The following RTEL1 variants were observed in gnomAD, a reference collection of about 807,000 sequenced individuals.
The protein encoded by RTEL1 is regulator of telomere elongation helicase 1.
RTEL1 carries 86 observed loss-of-function variants against 162.2 expected under a neutral mutation model. That is an observed-to-expected ratio of 0.53 (90% CI 0.45 to 0.63). RTEL1 has a LOEUF of 0.63. Ranked by LOEUF, RTEL1 falls within the 30% of genes least tolerant of loss-of-function variation. The probability of loss-of-function intolerance (pLI) is 0.00; values close to 1 mark genes in which losing one functional copy is unlikely to be tolerated. For synonymous variants in RTEL1, 958 were observed against 717.9 expected, an observed-to-expected ratio of 1.33 and a Z score of -5.35; for missense variants, 1,941 against 1,750.2, an observed-to-expected ratio of 1.11 and a Z score of -1.95.
chr20:63,692,933 C>T lies in RTEL1; in HGVS notation c.2781C>T (p.Asp927=), dbSNP rs767158073. The change falls in exon 29 of 35, where the codon GAC becomes GAT. Residue 927 remains aspartate, a synonymous_variant. Transcript: ENST00000360203. The part of the protein sequence containing the change: ...QALQDYKGSD[D]FAALAACLGP... The stretch of plus-strand genomic sequence containing the variant: ...TGCAGGACTACAAGGGTTCCGATGA[C>T]TTCGCCGCCCTGGCCGCCTGTCTCG... The T allele has an allele frequency of 1.9e-6, 3 of 1,612,676 alleles. No homozygotes were observed. Among genetic ancestry groups the T allele is most frequent in the Non-Finnish European group, 2.5e-6 (3 of 1,179,862 alleles).
intron 21 of RTEL1, 122 bp downstream of exon 21, chr20:63,688,727 A>C: frequency 1.2e-6 from 1 of 839,064 alleles, no homozygotes; most frequent in Non-Finnish European, 1.8e-6. Flanking sequence ...CTGCCTCTTC[A>C]GGGCTCCTGC....
At chr20:63,693,412 T>A (rs1172073649) in intron 30 of RTEL1, 129 bp downstream of exon 30, 10 of 1,091,618 alleles carry the variant, frequency 9.2e-6, no homozygotes, top group Non-Finnish European at 1.3e-5. Flanking sequence ...CCTATGGGAG[T>A]GATGGGGGCC....
At chr20:63,686,451 GC>G (rs2090594969) in intron 16 of RTEL1, 1 of 154,656 alleles carries the variant, frequency 6.5e-6, no homozygotes, top group African/African-American at 2.4e-5. Flanking sequence ...GGTGTATCTG[GC>G]CCCACCCCCA....
chr20:63,690,483 G>GGGGGGGGT, intron 26 of RTEL1, 42 bp downstream of exon 26: 3 of 1,280,940 alleles, frequency 2.3e-6, no homozygotes, highest in South Asian at 1.4e-5. Flanking sequence ...GGGGGTGGCG[G>GGGGGGGGT]AGCGGGCGGC....
chr20:63,691,805 G>A lies in RTEL1; in HGVS notation c.2620G>A (p.Gly874Arg), dbSNP rs781632993. The change falls in exon 28 of 35, where the codon GGG becomes AGG. Residue 874 changes from glycine to arginine, a missense_variant. Physicochemically the swap from Gly to Arg is moderately radical, Grantham distance 125. Transcript: ENST00000360203. ...EKRPAEEPRGGRKKIRLVSHP... is the reference protein window; with the variant it reads ...EKRPAEEPRGRRKKIRLVSHP... ...GAGGCCGGCAGAAGAACCGCGAGGA[G>A]GGAGGAAGAAGATCCGGCTGGTCAG... 6 of 1,612,190 alleles carry A rather than the reference G, an allele frequency of 3.7e-6. No individual in the cohort carries two copies. Among genetic ancestry groups the A allele is most frequent in the Non-Finnish European group, 5.1e-6 (6 of 1,179,828 alleles).
Position 63,694,453 on chromosome 20 carries a change from G to T in RTEL1, c.3074G>T (p.Gly1025Val), listed in dbSNP as rs1182805971. ...GACCCCCAAGAGCACCTGAACCAGG[G>T]CAGGCCCCACCTGTCGCCCAGGCCA... The part of the protein sequence containing the change: ...QLDPQEHLNQ[G>V]RPHLSPRPPP... Residue 1025 changes from glycine (G) to valine (V), a missense_variant, in exon 31 of 35, where the codon GGC becomes GTC. Gly to Val is a moderately radical substitution (Grantham distance 109). Coordinates refer to ENST00000360203, the MANE Select transcript of RTEL1 (RefSeq NM_001283009.2). The T allele has an allele frequency of 1.2e-6, 2 of 1,609,074 alleles. No individual in the cohort carries two copies. Among genetic ancestry groups the T allele is most frequent in the Non-Finnish European group, 1.7e-6 (2 of 1,176,966 alleles).
rs1409862668 is a variant in RTEL1, at chr20:63,681,224, G to A, written c.1191+505G>A. ...GGCCCCGTCCTGTCCTGCAATGCCC[G>A]TCCCATGTGAGGTCTGCTTCTGGCT... On this transcript the variant is annotated intron_variant, in intron 14 of 34. Coordinates refer to ENST00000360203, the MANE Select transcript of RTEL1 (RefSeq NM_001283009.2). The A allele has an allele frequency of 2.2e-5, 22 of 985,420 alleles. No homozygotes were observed. In the East Asian group the frequency reaches 3.4e-4, roughly 15 times the overall value. The allele number at this position is 985,420 out of a possible 1,614,324, so 61.0% of individuals were successfully genotyped here.
At chr20:63,692,644 C>G (rs1035221511) in intron 28 of RTEL1, 161 bp from the exon 29 acceptor site, 21 of 668,164 alleles carry the variant, frequency 3.1e-5, no homozygotes, top group Non-Finnish European at 5.4e-5. Flanking sequence ...CTTCCCGCAG[C>G]CCCTCCCTAT....
chr20:63,674,058 C>T lies in RTEL1; in HGVS notation c.884C>T (p.Pro295Leu), dbSNP rs781117322. The T allele has an allele frequency of 2.5e-6, 4 of 1,613,350 alleles. No individual in the cohort carries two copies. The African/African-American group carries it at 5.4e-5, about 22-fold the overall frequency. The change falls in exon 10 of 35, where the codon CCC (proline) becomes CTC (leucine). Residue 295 changes from proline (P) to leucine (L), a missense_variant. By Grantham distance (98) the Pro-to-Leu change is moderately conservative. Coordinates refer to ENST00000360203, the MANE Select transcript of RTEL1 (RefSeq NM_001283009.2). Reference sequence around the variant, plus strand: ...ACCAAGGCAGCGCAGCAGGGTGAGCCCCACCCGGAGTTCAGCGCGGACTCC... The same window carrying T: ...ACCAAGGCAGCGCAGCAGGGTGAGCTCCACCCGGAGTTCAGCGCGGACTCC... ...EQTKAAQQGE[P>L]HPEFSADSPS...
At chr20:63,683,976 C>T (rs1183152020) in intron 14 of RTEL1, among the ~76,000 whole-genome samples, 2 of 152,188 alleles carry the variant, frequency 1.3e-5, no homozygotes, top group African/African-American at 4.8e-5. Context: ...TGCCGACATA[C>T]ATATTCTTTC....
intron 6 of RTEL1, chr20:63,665,299 A>T (rs2090104493): frequency 6.6e-6 from 1 of 152,304 alleles, no homozygotes; most frequent in South Asian, 2.1e-4. Context: ...TTGTTAGAAG[A>T]GGTATCTGGT....
At chr20:63,663,719 G>T (rs947474177) in intron 6 of RTEL1, among the ~76,000 whole-genome samples, 10 of 152,218 alleles carry the variant, frequency 6.6e-5, no homozygotes, top group African/African-American at 1.9e-4. Flanking sequence ...TCCTGCCTCA[G>T]TTGGGGCTCA....
chr20:63,680,852 C>A, intron 14 of RTEL1, 133 bp downstream of exon 14: 1 of 1,505,364 alleles, frequency 6.6e-7, no homozygotes, highest in South Asian at 1.3e-5. Flanking sequence ...TTCTGATTGG[C>A]AAACTCTCGG....
chr20:63,685,856 T>C lies in RTEL1; in HGVS notation c.1332T>C (p.Thr444=). The C allele has an allele frequency of 6.2e-7, 1 of 1,612,604 alleles. No homozygotes were observed. The highest frequency in any genetic ancestry group is 1.1e-5 in the South Asian group (1 of 91,012). ...AGCGGTCTGATGCCTGGAGCACCAC[T>C]GCAGCCAGAAAGCGAGGTACAGACC... The part of the protein sequence containing the change: ...TAQRSDAWST[T]AARKRGKVLS... The change falls in exon 16 of 35, where the codon ACT becomes ACC. Residue 444 remains threonine (T), a synonymous_variant. Coordinates refer to ENST00000360203, the MANE Select transcript of RTEL1 (RefSeq NM_001283009.2).
rs943950426 is a variant in RTEL1, at chr20:63,682,412, C to T, written c.1191+1693C>T. 5 of 985,172 alleles carry T rather than the reference C, an allele frequency of 5.1e-6. No homozygotes were observed. In the African/African-American group the frequency reaches 8.8e-5, roughly 17 times the overall value. The allele number at this position is 985,172 out of a possible 1,614,324, so 61.0% of individuals were successfully genotyped here. A position where few individuals can be genotyped will look rare whatever the true frequency, so the allele number is the denominator to read the frequency against. Reference sequence around the variant, plus strand: ...ATCCTGGAACGCGGCCTCCCAGCCTCCCACTTAAGGAGAAGTCTCCACACT... The same window carrying T: ...ATCCTGGAACGCGGCCTCCCAGCCTTCCACTTAAGGAGAAGTCTCCACACT... On this transcript the variant is annotated intron_variant, in intron 14 of 34. Transcript: ENST00000360203.
intron 7 of RTEL1, among the ~76,000 whole-genome samples, chr20:63,666,838 T>A (rs1278608994): frequency 7.7e-6 from 1 of 129,844 alleles, no homozygotes; most frequent in Non-Finnish European, 1.6e-5. Context: ...CCAGCTCTTT[T>A]TTTTTTTTTT....
intron 16 of RTEL1, chr20:63,686,158 G>A (rs1057308723): frequency 3.3e-5 from 17 of 517,282 alleles, no homozygotes; most frequent in Admixed American, 6.6e-5. Context: ...GGACACGCTC[G>A]TTTATGCCGA....
intron 30 of RTEL1, 85 bp downstream of exon 30, chr20:63,693,368 C>T (rs907740123): frequency 1.3e-6 from 2 of 1,534,624 alleles, no homozygotes; most frequent in South Asian, 1.1e-5. Context: ...GGGTGGGCAT[C>T]CTCGGGCCCT....
At chr20:63,681,654 TCTC>T (rs1382323576) in intron 14 of RTEL1, 16 of 985,170 alleles carry the variant, frequency 1.6e-5, no homozygotes, top group East Asian at 1.1e-4. Flanking sequence ...GGCACTGCCT[TCTC>T]CTTCACAGAC....
Sources: gnomAD v4.1 joint callset for allele counts (sites outside exome capture counted in the v4.1 genomes callset) on GRCh38, gnomAD v4.1.1 for gene constraint, MANE v1.5 for transcripts, NCBI Gene and HGNC (gene_info 2026-07-23, HGNC 2026-07-21) for gene names.